The following PLEKHH2 variants were observed in gnomAD, a reference collection of about 807,000 sequenced individuals.
PLEKHH2 encodes pleckstrin homology domain-containing family H member 2.
PLEKHH2 carries 129 observed loss-of-function variants against 187.9 expected under a neutral mutation model. The ratio of observed to expected loss-of-function variants is 0.69; its 90% CI spans 0.59 to 0.79. The LOEUF (loss-of-function observed/expected upper bound fraction) is 0.79, where lower values mean the gene tolerates loss of function less well. Ranked by LOEUF, PLEKHH2 falls within the 30% of genes least tolerant of loss-of-function variation. PLEKHH2 has a pLI of 0.00. For missense variants in PLEKHH2, 2,076 were observed against 1,751.2 expected, an observed-to-expected ratio of 1.19 and a Z score of -3.31; for synonymous variants, 686 against 605.6, an observed-to-expected ratio of 1.13 and a Z score of -1.95.
chr2:43,698,032 C>A (rs763349487), intron 7 of PLEKHH2, among the ~76,000 whole-genome samples: 4 of 152,154 alleles, frequency 2.6e-5, no homozygotes, highest in Non-Finnish European at 5.9e-5. Context: ...AGCACAATCA[C>A]TTTTGTTGAC....
At chr2:43,747,021 G>T (rs2104605796) in intron 24 of PLEKHH2, among the ~76,000 whole-genome samples, 1 of 150,256 alleles carries the variant, frequency 6.7e-6, no homozygotes, top group South Asian at 2.1e-4. Context: ...CAGTCTTTTG[G>T]AAGTCATATA....
chr2:43,725,119 C>T (rs1214012600), intron 16 of PLEKHH2, among the ~76,000 whole-genome samples: 2 of 152,166 alleles, frequency 1.3e-5, no homozygotes. Context: ...GATATCTTAT[C>T]CTCCTGATGG....
rs1000230376 is a variant in PLEKHH2 at position 43,762,382 on chromosome 2, A to G, written c.4150A>G (p.Asn1384Asp). 3.7e-6 allele frequency: 6 copies of G among 1,606,386 alleles called. No individual in the cohort carries two copies. In the African/African-American group the frequency reaches 6.7e-5, roughly 18 times the overall value. The stretch of plus-strand genomic sequence containing the variant: ...GGATGGTTTAAGCCTCTTAGAATAC[A>G]ACTCCATGGTAAGTTTAAACGCTCA... The part of the protein sequence containing the change: ...HEDGLSLLEY[N>D]SMRLIVSYVY... The change falls in exon 28 of 30, where the codon AAC becomes GAC. Residue 1384 changes from asparagine (N) to aspartate (D), a missense_variant. Physicochemically the swap from Asn to Asp is conservative, Grantham distance 23 (BLOSUM62 1). Transcript: ENST00000282406.
chr2:43,731,588 A>G lies in PLEKHH2; in HGVS notation c.2929A>G (p.Ile977Val). The change falls in exon 19 of 30, where the codon ATT becomes GTT. Residue 977 changes from isoleucine (I) to valine (V), a missense_variant. Coordinates refer to ENST00000282406, the MANE Select transcript of PLEKHH2 (RefSeq NM_172069.4). ...TTCCGAAGCCCTGCAGACAGAAGCT[A>G]TTAAATTATTTAAGGTAAAATATTT... ...LPSEALQTEA[I>V]KLFKTCQLFI... is the part of the protein sequence containing the mutation. The G allele has an allele frequency of 3.8e-6, 6 of 1,558,620 alleles. No homozygotes were observed. Among genetic ancestry groups the G allele is most frequent in the South Asian group, 1.1e-5 (1 of 87,806 alleles).
intron 25 of PLEKHH2, among the ~76,000 whole-genome samples, chr2:43,754,173 C>A (rs1276210771): frequency 3.3e-5 from 4 of 121,700 alleles, no homozygotes; most frequent in Non-Finnish European, 6.5e-5. Context: ...TCTACACACA[C>A]ACACACACAC....
chr2:43,737,720 G>T (rs1042416022), intron 19 of PLEKHH2, among the ~76,000 whole-genome samples: 3 of 152,228 alleles, frequency 2.0e-5, no homozygotes, highest in Non-Finnish European at 4.4e-5. Flanking sequence ...AACGGGGAAA[G>T]AGAGAGAGTG....
Position 43,743,954 on chromosome 2 carries a change from A to G in PLEKHH2, c.3520A>G (p.Arg1174Gly). 1 of 1,614,140 alleles carries G rather than the reference A, an allele frequency of 6.2e-7. No individual in the cohort carries two copies. Among genetic ancestry groups the G allele is most frequent in the Non-Finnish European group, 8.5e-7 (1 of 1,179,988 alleles). ...FALFTDDPSG[R>G]DLEHCLQGNI... ...GTTGTTCACTGACGATCCTTCTGGC[A>G]GAGATTTAGAGCATTGTCTTCAAGG... The change falls in exon 23 of 30, where the codon AGA becomes GGA. Residue 1174 changes from arginine (R) to glycine (G), a missense_variant. By Grantham distance (125) the Arg-to-Gly change is moderately radical. Transcript: ENST00000282406.
intron 2 of PLEKHH2, among the ~76,000 whole-genome samples, chr2:43,648,457 G>A (rs1173301914): frequency 6.6e-6 from 1 of 152,010 alleles, no homozygotes; most frequent in Non-Finnish European, 1.5e-5. Flanking sequence ...AAAGTGCTGG[G>A]ATTACAGGCG....
chr2:43,730,195 C>A (rs1670971290), intron 18 of PLEKHH2, among the ~76,000 whole-genome samples: 1 of 152,144 alleles, frequency 6.6e-6, no homozygotes, highest in Non-Finnish European at 1.5e-5. Context: ...GCCTGTGGCC[C>A]CAGATGGCTT....
At chr2:43,673,583 A>G (rs1667588001) in intron 2 of PLEKHH2, among the ~76,000 whole-genome samples, 2 of 152,264 alleles carry the variant, frequency 1.3e-5, no homozygotes, top group African/African-American at 4.8e-5. Flanking sequence ...AAAATTATTC[A>G]TAAAAATAAC....
chr2:43,742,660 C>A, intron 21 of PLEKHH2, 81 bp from the exon 22 acceptor site: 2 of 1,083,544 alleles, frequency 1.8e-6, no homozygotes, highest in Non-Finnish European at 2.5e-6. Flanking sequence ...ATAATGTACA[C>A]GGATGCTTTC....
Position 43,710,020 on chromosome 2 carries a change from G to A in PLEKHH2, c.1997G>A (p.Ser666Asn), listed in dbSNP as rs745687381. Residue 666 changes from serine to asparagine, a missense_variant, in exon 12 of 30, where the codon AGT becomes AAT. By Grantham distance (46) the Ser-to-Asn change is conservative. Transcript: ENST00000282406. ...TCTCTCTCCTCTGTGGCTTCTGAAA[G>A]TGATTATGCTATTCCTCCTGATGCT... ...GVSLSSVASE[S>N]DYAIPPDAYS... 3.1e-6 allele frequency: 5 copies of A among 1,612,738 alleles called. No homozygotes were observed. The Admixed American group carries it at 8.4e-5, about 27-fold the overall frequency.
intron 18 of PLEKHH2, among the ~76,000 whole-genome samples, chr2:43,731,166 G>A (rs114306700): frequency 0.023 from 3,463 of 152,156 alleles, 141 homozygotes; most frequent in African/African-American, 0.08. Flanking sequence ...ATCAGTTTCA[G>A]TATATACTGC....
At chr2:43,765,334 C>G in intron 29 of PLEKHH2, 79 bp from the exon 30 acceptor site, 1 of 1,406,354 alleles carries the variant, frequency 7.1e-7, no homozygotes, top group Non-Finnish European at 9.8e-7. Context: ...TGGAGCTCAC[C>G]TGTGGCCAAC....
Position 43,753,765 on chromosome 2 carries a change from C to T in PLEKHH2, c.3795+5C>T. On this transcript the variant is annotated splice_donor_5th_base_variant and intron_variant, in intron 25 of 29. Transcript: ENST00000282406. ...ATGGCAGCTCTTTTATCTCAGGTAA[C>T]TTCCATGTTATATGGAGTAATATAT... 6.4e-7 allele frequency: 1 copy of T among 1,566,730 alleles called. No homozygotes were observed. The highest frequency in any genetic ancestry group is 8.6e-7 in the Non-Finnish European group (1 of 1,159,614).
rs775439599 is a variant in PLEKHH2, at chr2:43,697,228, G to A, written c.560G>A (p.Arg187His). Reference protein sequence around the residue: ...VSTLKLSEGQRLSSLTFGCFL... With the variant: ...VSTLKLSEGQHLSSLTFGCFL... ...ACACTAAAGCTTTCGGAAGGCCAGC[G>A]CCTGAGCAGTTTGACCTTTGGGTGC... The change falls in exon 7 of 30, where the codon CGC (arginine) becomes CAC (histidine). Residue 187 changes from arginine (R) to histidine (H), a missense_variant. Physicochemically the swap from Arg to His is conservative, Grantham distance 29 (BLOSUM62 0). Coordinates refer to ENST00000282406, the MANE Select transcript of PLEKHH2 (RefSeq NM_172069.4). 12 of 1,613,602 alleles carry A rather than the reference G, an allele frequency of 7.4e-6. No homozygotes were observed. Among genetic ancestry groups the A allele is most frequent in the African/African-American group, 1.3e-5 (1 of 74,904 alleles).
intron 16 of PLEKHH2, among the ~76,000 whole-genome samples, chr2:43,723,050 G>A (rs1341293255): frequency 1.3e-5 from 2 of 152,106 alleles, no homozygotes; most frequent in Admixed American, 6.5e-5. Flanking sequence ...TCAAGGCATG[G>A]TGCATCCTTT....
chr2:43,698,404 T>A (rs537745142), intron 7 of PLEKHH2, among the ~76,000 whole-genome samples: 97 of 152,010 alleles, frequency 6.4e-4, no homozygotes, highest in Admixed American at 5.7e-3. Flanking sequence ...CATGCCACCA[T>A]GCCTAGTTAA....
chr2:43,743,017 C>A, intron 22 of PLEKHH2, 99 bp downstream of exon 22: 1 of 882,372 alleles, frequency 1.1e-6, no homozygotes, highest in African/African-American at 1.7e-5. Context: ...CAGCACCTGG[C>A]AGTGACAAAC....
Sources: allele counts gnomAD v4.1 joint callset (sites outside exome capture counted in the v4.1 genomes callset), GRCh38; gene constraint gnomAD v4.1.1; transcripts MANE v1.5; gene names NCBI Gene and HGNC (gene_info 2026-07-23, HGNC 2026-07-21).